Variants in KYAT1 observed in about 807,000 individuals in gnomAD.
The protein encoded by KYAT1 is kynurenine aminotransferase 1.
KYAT1 carries 47 observed loss-of-function variants against 52.4 expected under a neutral mutation model. That is an observed-to-expected ratio of 0.90 (90% CI 0.71 to 1.14). KYAT1 has a LOEUF of 1.14. Among genes scored for constraint, KYAT1 ranks in the 50% most tolerant of loss-of-function variants. KYAT1 has a pLI of 0.00. For synonymous variants in KYAT1, 212 were observed against 209.6 expected, an observed-to-expected ratio of 1.01 and a Z score of -0.10; for missense variants, 480 against 557.9, an observed-to-expected ratio of 0.86 and a Z score of 1.41.
In KYAT1 at chr9:128,849,795, C is replaced by CA. The variant is rs763466379; in HGVS notation, c.-6-4385dup. Among the ~76,000 whole-genome samples, 526 of 66,870 alleles carry CA rather than the reference C, an allele frequency of 7.9e-3. 1 individual carries two copies. The highest frequency in any genetic ancestry group is 0.014 in the Middle Eastern group (2 of 140). The allele number at this position is 66,870 out of a possible 152,430, so 43.9% of individuals were successfully genotyped here. ...TGGGAGACAAAGTGAGACTCTGTCT[C>CA]AAAAAAAAAAAAAAAGAAAAGAAAA... On this transcript the variant is annotated intron_variant, in intron 1 of 12. Transcript: ENST00000302586.
chr9:128,880,335 C>T (rs1838635868), intron 1 of KYAT1, among the ~76,000 whole-genome samples: 1 of 152,078 alleles, frequency 6.6e-6, no homozygotes. Context: ...ACGGGTGTTG[C>T]GTGACTGACA....
chr9:128,880,797 T>C (rs1838741703), intron 1 of KYAT1, among the ~76,000 whole-genome samples: 1 of 151,996 alleles, frequency 6.6e-6, no homozygotes, highest in Admixed American at 6.6e-5. Flanking sequence ...TCTCTTCTAT[T>C]AAAAGGGAAA....
intron 1 of KYAT1, among the ~76,000 whole-genome samples, chr9:128,849,927 C>T (rs1195372251): frequency 2.7e-5 from 4 of 146,936 alleles, no homozygotes; most frequent in Admixed American, 2.7e-4. Context: ...CGTTGTTACC[C>T]AGGCTGGAGT....
At chr9:128,857,564 C>T (rs985841917) in intron 1 of KYAT1, among the ~76,000 whole-genome samples, 3 of 152,164 alleles carry the variant, frequency 2.0e-5, no homozygotes, top group African/African-American at 2.4e-5. Context: ...GGGCTGGGGA[C>T]GGTGTCTCAC....
intron 1 of KYAT1, among the ~76,000 whole-genome samples, chr9:128,865,423 T>G (rs1376396116): frequency 7.5e-6 from 1 of 132,676 alleles, no homozygotes; most frequent in East Asian, 2.3e-4. Context: ...AGTGCAATGG[T>G]GCGATCTTGG....
chr9:128,881,448 C>A (rs927325955), intron 1 of KYAT1, among the ~76,000 whole-genome samples: 2 of 152,150 alleles, frequency 1.3e-5, no homozygotes, highest in Non-Finnish European at 2.9e-5. Context: ...TACATTAGTG[C>A]ATATTAAACA....
At chr9:128,836,302 GT>G (rs71497420) in intron 7 of KYAT1, among the ~76,000 whole-genome samples, 56,406 of 93,048 alleles carry the variant, frequency 0.61, 15,028 homozygotes, top group Admixed American at 0.7. Flanking sequence ...TTCTTTCTTT[GT>G]TTTTTTTTTT....
upstream of KYAT1, chr9:128,882,155 CA>C: frequency 6.6e-6 from 1 of 152,626 alleles, no homozygotes; most frequent in South Asian, 2.0e-4. Context: ...GAGGGACAAA[CA>C]AAAGGAGGCG....
At chr9:128,844,818 C>T (rs1482200913) in intron 2 of KYAT1, among the ~76,000 whole-genome samples, 4 of 152,134 alleles carry the variant, frequency 2.6e-5, no homozygotes, top group Non-Finnish European at 5.9e-5. Context: ...GAGCCGAGAC[C>T]GCACCATTGC....
chr9:128,881,996 G>GC (rs1362376985), upstream of KYAT1: 1 of 152,266 alleles, frequency 6.6e-6, no homozygotes, highest in South Asian at 2.1e-4. Flanking sequence ...CGCTACTTCC[G>GC]CCCCGAAGCA....
intron 1 of KYAT1, among the ~76,000 whole-genome samples, chr9:128,879,657 C>T (rs1327497046): frequency 2.0e-5 from 3 of 152,216 alleles, no homozygotes; most frequent in Non-Finnish European, 4.4e-5. Flanking sequence ...AGGAGCCCAT[C>T]TCTCCTTGAG....
chr9:128,863,735 G>C (rs1453395472), intron 1 of KYAT1, among the ~76,000 whole-genome samples: 1 of 152,152 alleles, frequency 6.6e-6, no homozygotes, highest in African/African-American at 2.4e-5. Flanking sequence ...TGTTATTCCC[G>C]AGTCGGCCAG....
At chr9:128,869,856 C>A (rs1343361037) in intron 1 of KYAT1, among the ~76,000 whole-genome samples, 1 of 151,642 alleles carries the variant, frequency 6.6e-6, no homozygotes, top group East Asian at 1.9e-4. Flanking sequence ...TGGGTTCAAG[C>A]GATTCTCCTG....
At chr9:128,839,586 C>G (rs910855109) in intron 3 of KYAT1, among the ~76,000 whole-genome samples, 9 of 151,990 alleles carry the variant, frequency 5.9e-5, no homozygotes, top group Admixed American at 5.2e-4. Context: ...GATCGCGCCA[C>G]TGCACTCCAG....
rs771671479 is a variant in KYAT1, at chr9:128,833,724, C to G, written c.1209+16G>C. 1.9e-6 allele frequency: 3 copies of G among 1,613,868 alleles called. No homozygotes were observed. Among genetic ancestry groups the G allele is most frequent in the African/African-American group, 2.7e-5 (2 of 74,944 alleles). On this transcript the variant is annotated intron_variant, in intron 12 of 12. Transcript: ENST00000302586. ...AAGCTCTGTGAGGTCTTTCCTCCCC[C>G]AGCCCTGCCCTTTACCTTCACAAAA... is the stretch of plus-strand genomic sequence containing the variant.
intron 11 of KYAT1, among the ~76,000 whole-genome samples, chr9:128,834,291 C>A (rs572607741): frequency 6.6e-6 from 1 of 152,276 alleles, no homozygotes; most frequent in Admixed American, 6.5e-5. Flanking sequence ...AGAAAAGAAT[C>A]CCAGAACATC....
Position 128,836,916 on chromosome 9 carries a change from A to G in KYAT1, c.574T>C (p.Ser192Pro). 6.2e-7 allele frequency: 1 copy of G among 1,612,380 alleles called. No homozygotes were observed. Among genetic ancestry groups the G allele is most frequent in the Non-Finnish European group, 8.5e-7 (1 of 1,179,680 alleles). The change falls in exon 7 of 13, where the codon TCC becomes CCC. Residue 192 changes from serine to proline, a missense_variant. Physicochemically the swap from Ser to Pro is moderately conservative, Grantham distance 74. Coordinates refer to ENST00000302586, the MANE Select transcript of KYAT1 (RefSeq NM_004059.5). ...GCCACCAGCTCCAGCTCTTCCCTGG[A>G]GAACACCTGCAGATGCCCAAGGAGA... Reference protein sequence around the residue: ...TPNNPLGKVFSREELELVASL... With the variant: ...TPNNPLGKVFPREELELVASL...
At chr9:128,876,519 G>A (rs1331899341) in intron 1 of KYAT1, among the ~76,000 whole-genome samples, 6 of 149,290 alleles carry the variant, frequency 4.0e-5, no homozygotes, top group African/African-American at 7.4e-5. Context: ...CCGGGTTCAC[G>A]CCACTCTCCT....
chr9:128,835,194 C>A (rs1334177524), intron 11 of KYAT1, 129 bp downstream of exon 11: 2 of 791,700 alleles, frequency 2.5e-6, no homozygotes. Context: ...GAAGTGGATA[C>A]AACCCTGCCC....
Sources: allele counts gnomAD v4.1 joint callset (sites outside exome capture counted in the v4.1 genomes callset), GRCh38; gene constraint gnomAD v4.1.1; transcripts MANE v1.5; gene names NCBI Gene and HGNC (gene_info 2026-07-23, HGNC 2026-07-21).